The following CADPS variants were observed in gnomAD, a reference collection of about 807,000 sequenced individuals.
CADPS encodes the protein calcium-dependent secretion activator 1.
Under a neutral mutation model 167.3 loss-of-function variants are expected in CADPS, and 57 were observed. The ratio of observed to expected loss-of-function variants is 0.34; its 90% CI spans 0.28 to 0.42. CADPS has a LOEUF of 0.42. Among genes scored for constraint, CADPS ranks in the 20% least tolerant of loss-of-function variants. The probability of loss-of-function intolerance (pLI) is 1.00; values close to 1 mark genes in which losing one functional copy is unlikely to be tolerated. For synonymous variants in CADPS, 676 were observed against 635.3 expected (o/e 1.06, Z -0.96); for missense variants, 1,414 against 1,738.1 (o/e 0.81, Z 3.32).
chr3:62,724,030 G>A (rs146869818), intron 3 of CADPS, among the ~76,000 whole-genome samples: 1 of 152,358 alleles, frequency 6.6e-6, no homozygotes, highest in African/African-American at 2.4e-5. Flanking sequence ...GCTTGCTGGT[G>A]CAGTGAGATG....
chr3:62,493,314 G>A (rs1397474517), intron 19 of CADPS, among the ~76,000 whole-genome samples: 2 of 152,152 alleles, frequency 1.3e-5, no homozygotes, highest in African/African-American at 2.4e-5. Flanking sequence ...CATGCAGAAT[G>A]AGTGGCAGTG....
At chr3:62,791,827 C>T (rs2092973602) in intron 1 of CADPS, among the ~76,000 whole-genome samples, 1 of 152,202 alleles carries the variant, frequency 6.6e-6, no homozygotes, top group African/African-American at 2.4e-5. Context: ...CTCTCTGTTT[C>T]CCCATCCTTT....
At chr3:62,575,469 T>C (rs1036665533) in intron 8 of CADPS, among the ~76,000 whole-genome samples, 1 of 152,242 alleles carries the variant, frequency 6.6e-6, no homozygotes, top group African/African-American at 2.4e-5. Flanking sequence ...TAATGGTACC[T>C]ACCTCAAGGG....
At chr3:62,533,196 C>T in intron 12 of CADPS, 138 bp from the exon 13 acceptor site, 2 of 670,508 alleles carry the variant, frequency 3.0e-6, no homozygotes, top group Non-Finnish European at 5.1e-6. Flanking sequence ...TATGTGCCAG[C>T]CACTGTGCAC....
chr3:62,836,781 T>C (rs567358186), intron 1 of CADPS, among the ~76,000 whole-genome samples: 2 of 152,274 alleles, frequency 1.3e-5, no homozygotes, highest in East Asian at 3.9e-4. Flanking sequence ...AGATTGGGCT[T>C]TGAGACCAAT....
chr3:62,685,056 G>A (rs2077760224), intron 3 of CADPS, among the ~76,000 whole-genome samples: 1 of 151,948 alleles, frequency 6.6e-6, no homozygotes, highest in African/African-American at 2.4e-5. Flanking sequence ...TGATTTCATA[G>A]AGTTGAAAAG....
intron 27 of CADPS, chr3:62,440,532 C>T (rs2056114352): frequency 1.5e-5 from 2 of 130,136 alleles, no homozygotes; most frequent in African/African-American, 5.7e-5. Flanking sequence ...ATTCCACAGC[C>T]TTACCTACCT....
intron 3 of CADPS, among the ~76,000 whole-genome samples, chr3:62,672,112 G>T (rs1051173327): frequency 2.6e-5 from 4 of 151,696 alleles, no homozygotes; most frequent in Non-Finnish European, 4.4e-5. Flanking sequence ...TGATTCCAAC[G>T]TGCAGCCAGG....
At chr3:62,775,222 T>G (rs891227704) in intron 1 of CADPS, among the ~76,000 whole-genome samples, 1 of 1,654 alleles carries the variant, frequency 6.0e-4, no homozygotes, top group Non-Finnish European at 1.7e-3. Flanking sequence ...ATTTTTGTAT[T>G]TTTTTTTTTT....
At position 62,514,880 on chromosome 3, in the gene CADPS, C is replaced by G. The variant is rs552821815; in HGVS notation, c.2581+1179G>C. ...AGCCCTTTAACGACCTCTTGTTCCT[C>G]TATTTTTGTCACTCATTACCAAGTC... is the stretch of plus-strand genomic sequence containing the variant. On this transcript the variant is annotated intron_variant, in intron 16 of 29. Transcript: ENST00000383710. This position sits in a 1 kb window ranked among gnomAD's most constrained non-coding sequence, Gnocchi z 4.2. 6.6e-6 allele frequency among the ~76,000 whole-genome samples: 1 copy of G among 152,204 alleles called. No homozygotes were observed. Among genetic ancestry groups the G allele is most frequent in the South Asian group, 2.1e-4 (1 of 4,824 alleles).
chr3:62,494,612 C>G (rs1441821232), intron 18 of CADPS, among the ~76,000 whole-genome samples: 1 of 150,980 alleles, frequency 6.6e-6, no homozygotes, highest in East Asian at 1.9e-4. Context: ...AAACCAAGCT[C>G]AAATGTTTGC....
chr3:62,523,741 T>C (rs1393863866), intron 13 of CADPS, among the ~76,000 whole-genome samples: 1 of 152,192 alleles, frequency 6.6e-6, no homozygotes, highest in Non-Finnish European at 1.5e-5. Context: ...ATAACCAGCT[T>C]TCAGGCTCCA....
At chr3:62,707,201 T>C (rs916577260) in intron 3 of CADPS, among the ~76,000 whole-genome samples, 3 of 152,078 alleles carry the variant, frequency 2.0e-5, no homozygotes, top group African/African-American at 7.3e-5. Flanking sequence ...CATTACATTC[T>C]TATAGGAGCG....
intron 3 of CADPS, among the ~76,000 whole-genome samples, chr3:62,677,636 G>A (rs1432621312): frequency 6.6e-6 from 1 of 152,046 alleles, no homozygotes; most frequent in African/African-American, 2.4e-5. Context: ...GAGAAACCCT[G>A]CTGTAAATGC....
chr3:62,518,459 C>A (rs1357293357), intron 13 of CADPS, among the ~76,000 whole-genome samples: 7 of 152,198 alleles, frequency 4.6e-5, no homozygotes, highest in Admixed American at 4.6e-4. Flanking sequence ...AGAGCTGTAG[C>A]TCTTTTCTTG....
chr3:62,510,755 C>T (rs541361769), intron 17 of CADPS, among the ~76,000 whole-genome samples: 1 of 152,136 alleles, frequency 6.6e-6, no homozygotes, highest in South Asian at 2.1e-4. Context: ...CCGGTGGTGC[C>T]CTACCACCTC....
intron 1 of CADPS, among the ~76,000 whole-genome samples, chr3:62,871,243 G>T (rs768131831): frequency 6.6e-6 from 1 of 151,998 alleles, no homozygotes; most frequent in African/African-American, 2.4e-5. Context: ...GTGTTCTTCC[G>T]AGCTAAAATC....
intron 27 of CADPS, chr3:62,439,891 C>T (rs2055954100): frequency 6.6e-6 from 1 of 152,148 alleles, no homozygotes; most frequent in South Asian, 2.1e-4. Flanking sequence ...GTTTCACTGT[C>T]TTCAAAGGGG....
At chr3:62,657,392 T>C (rs1226146847) in intron 4 of CADPS, among the ~76,000 whole-genome samples, 1 of 152,176 alleles carries the variant, frequency 6.6e-6, no homozygotes, top group African/African-American at 2.4e-5. Context: ...CTCAATAATT[T>C]TGGAATTTTA....
Sources: gnomAD v4.1 joint callset for allele counts (sites outside exome capture counted in the v4.1 genomes callset) on GRCh38, gnomAD v4.1.1 for gene constraint, Gnocchi (gnomAD v3.1) non-coding constraint, MANE v1.5 for transcripts, NCBI Gene and HGNC (gene_info 2026-07-23, HGNC 2026-07-21) for gene names.